The following ZNF611 variants were observed in gnomAD, a reference collection of about 807,000 sequenced individuals.
ZNF611 encodes the protein zinc finger protein 611.
ZNF611 carries 6 observed loss-of-function variants against 8.9 expected under a neutral mutation model. The ratio of observed to expected loss-of-function variants is 0.68; its 90% confidence interval spans 0.37 to 1.34. The LOEUF is 1.34. Among genes scored for constraint, ZNF611 ranks in the 40% most tolerant of loss-of-function variants. The pLI, the probability that ZNF611 is intolerant of heterozygous loss-of-function variation, is 0.02. For synonymous variants in ZNF611, 262 were observed against 279.7 expected, an observed-to-expected ratio of 0.94 and a Z score of 0.63; for missense variants, 874 against 841.3, an observed-to-expected ratio of 1.04 and a Z score of -0.48.
chr19:52,733,201 T>C (rs2062436240), intron 1 of ZNF611, among the ~76,000 whole-genome samples: 1 of 152,232 alleles, frequency 6.6e-6, no homozygotes, highest in Non-Finnish European at 1.5e-5. Context: ...CTGTGTAATT[T>C]AAACAAGTTT....
intron 1 of ZNF611, among the ~76,000 whole-genome samples, chr19:52,733,522 G>A (rs1345568196): frequency 1.4e-5 from 2 of 138,960 alleles, no homozygotes; most frequent in Non-Finnish European, 3.1e-5. Context: ...AGCTGGTCTC[G>A]AACTCCTGGA....
chr19:52,713,856 A>T (rs1443028103), intron 5 of ZNF611, among the ~76,000 whole-genome samples, 159 bp downstream of exon 5: 5 of 152,058 alleles, frequency 3.3e-5, no homozygotes, highest in Non-Finnish European at 7.4e-5. Flanking sequence ...ATACCATTGC[A>T]CTCCAGCCTC....
chr19:52,716,032 A>G, intron 3 of ZNF611, 119 bp from the exon 4 acceptor site: 1 of 1,123,614 alleles, frequency 8.9e-7, no homozygotes, highest in East Asian at 2.4e-5. Context: ...TGCCCACTGC[A>G]CCAGAGATCA....
chr19:52,719,913 C>T (rs924863525), intron 3 of ZNF611, among the ~76,000 whole-genome samples: 2 of 152,194 alleles, frequency 1.3e-5, no homozygotes, highest in Admixed American at 6.5e-5. Context: ...GAGGTCCCTG[C>T]GGCCTTCCGC....
intron 1 of ZNF611, among the ~76,000 whole-genome samples, chr19:52,731,602 C>T (rs750495003): frequency 1.3e-5 from 2 of 151,800 alleles, no homozygotes; most frequent in Non-Finnish European, 2.9e-5. Context: ...CTCCTGACCT[C>T]GTGATCCACC....
At chr19:52,712,638 A>G (rs76390631) in intron 5 of ZNF611, among the ~76,000 whole-genome samples, 15 of 77,322 alleles carry the variant, frequency 1.9e-4, no homozygotes, top group Non-Finnish European at 4.2e-4. Flanking sequence ...ACTCCGTCTG[A>G]AAAAAAAAAA....
intron 3 of ZNF611, among the ~76,000 whole-genome samples, chr19:52,720,388 C>A (rs111461095): frequency 0.027 from 3,964 of 149,004 alleles, 118 homozygotes; most frequent in African/African-American, 0.072. Flanking sequence ...AGGCGCTCCC[C>A]ACTTCCCAGA....
chr19:52,711,402 A>C (rs1391551012), intron 5 of ZNF611: 1 of 152,202 alleles, frequency 6.6e-6, no homozygotes, highest in East Asian at 1.9e-4. Flanking sequence ...ATTATTTCTC[A>C]AATAATGACA....
intron 4 of ZNF611, 127 bp from the exon 5 acceptor site, chr19:52,714,268 G>A (rs2062300092): frequency 6.7e-7 from 1 of 1,486,924 alleles, no homozygotes; most frequent in Non-Finnish European, 8.9e-7. Context: ...AGGATGTTAA[G>A]GTATTTTTGA....
chr19:52,717,074 C>T (rs1405130137), intron 3 of ZNF611, among the ~76,000 whole-genome samples: 2 of 151,854 alleles, frequency 1.3e-5, no homozygotes, highest in Admixed American at 6.6e-5. Context: ...ACCATTTGTG[C>T]CTCAGTTCTC....
chr19:52,727,000 G>T (rs1054867710), intron 3 of ZNF611, among the ~76,000 whole-genome samples: 2 of 152,008 alleles, frequency 1.3e-5, no homozygotes, highest in Non-Finnish European at 2.9e-5. Context: ...GGAGTAGCTG[G>T]TATTACAAGC....
chr19:52,705,289 C>A lies in ZNF611; in HGVS notation c.1766G>T (p.Ser589Ile), dbSNP rs752926231. 1.3e-5 allele frequency: 21 copies of A among 1,614,078 alleles called. No individual in the cohort carries two copies. The highest frequency in any genetic ancestry group is 1.8e-5 in the Non-Finnish European group (21 of 1,180,012). ...ATTACACTTGTAAGGTTTCTCACCA[C>A]TATGAACTCTATGATGGCATACAAG... is the stretch of plus-strand genomic sequence containing the variant. ...SYLVCHHRVH[S>I]GEKPYKCNEC... Residue 589 changes from serine to isoleucine, a missense_variant, in exon 6 of 6, where the codon AGT (serine) becomes ATT (isoleucine). By Grantham distance (142) the Ser-to-Ile change is moderately radical. Transcript: ENST00000652185.
chr19:52,733,037 C>T (rs1196568153), intron 1 of ZNF611, among the ~76,000 whole-genome samples: 1 of 152,142 alleles, frequency 6.6e-6, no homozygotes, highest in Non-Finnish European at 1.5e-5. Flanking sequence ...CCACGTCCTA[C>T]CCCATCCTAG....
At chr19:52,731,554 A>C (rs1216203106) in intron 1 of ZNF611, among the ~76,000 whole-genome samples, 9 of 150,552 alleles carry the variant, frequency 6.0e-5, no homozygotes, top group Non-Finnish European at 1.3e-4. Flanking sequence ...TTTTTTGTAG[A>C]GATGGGGTTT....
Position 52,703,301 on chromosome 19 carries a change from A to C in ZNF611, c.*1636T>G, listed in dbSNP as rs1288532780. On this transcript the variant is annotated 3_prime_UTR_variant, in exon 6 of 6. Coordinates refer to ENST00000652185, the MANE Select transcript of ZNF611 (RefSeq NM_001161499.2). ...TTTTTTGTTATTTTTTGTTTGTTTG[A>C]GATGGAGACTCACTCTGCCACCCAG... 2.6e-5 allele frequency: 4 copies of C among 152,162 alleles called. No individual in the cohort carries two copies. Among genetic ancestry groups the C allele is most frequent in the African/African-American group, 7.2e-5 (3 of 41,446 alleles). 9.4% of individuals were successfully genotyped at this position (152,162 alleles called of 1,614,324 possible).
Position 52,705,343 on chromosome 19 carries a change from C to T in ZNF611, c.1712G>A (p.Cys571Tyr), listed in dbSNP as rs763429241. 5 of 1,614,052 alleles carry T rather than the reference C, an allele frequency of 3.1e-6. No individual in the cohort carries two copies. Among genetic ancestry groups the T allele is most frequent in the African/African-American group, 1.3e-5 (1 of 74,906 alleles). The change falls in exon 6 of 6, where the codon TGC (cysteine) becomes TAC (tyrosine). Residue 571 changes from cysteine to tyrosine, a missense_variant. Transcript: ENST00000652185. ...SGEKPYKCNE[C>Y]SKTFSHRSYL... ...TGACCTGTGACTGAAGGTCTTGCTG[C>T]ACTCATTACACTTGTAAGGTTTCTC...
At position 52,704,983 on chromosome 19, in the gene ZNF611, G is replaced by C. The variant is rs1316991513; in HGVS notation, c.2072C>G (p.Ser691Ter). ...AATTCTATGATGACGTGAAAGGTGT[G>C]ATTGTTGATTAAAAGCCTTCCCACA... ...NECGKAFNQQ[S>*]HLSRHHRIHT... is the part of the protein sequence containing the mutation. Residue 691 changes from serine (S) to a stop codon, truncating the protein, a stop_gained, in exon 6 of 6, where the codon TCA becomes TGA. Transcript: ENST00000652185. LOFTEE classifies it low-confidence loss of function (END_TRUNC). 6.2e-7 allele frequency: 1 copy of C among 1,614,204 alleles called. No homozygotes were observed. The highest frequency in any genetic ancestry group is 1.7e-5 in the Admixed American group (1 of 60,024).
chr19:52,704,671 T>A lies in ZNF611; in HGVS notation c.*266A>T, dbSNP rs1393153349. The A allele has an allele frequency of 7.5e-6, 12 of 1,594,560 alleles. No individual in the cohort carries two copies. Among genetic ancestry groups the A allele is most frequent in the Admixed American group, 1.7e-5 (1 of 59,828 alleles). On this transcript the variant is annotated 3_prime_UTR_variant, in exon 6 of 6. Transcript: ENST00000652185. ...CGTTGTAGCATTACTGAAGACTTTGTGACAATCATTACATTAGTCAAGTTT... is the reference window on the plus strand; with the variant it reads ...CGTTGTAGCATTACTGAAGACTTTGAGACAATCATTACATTAGTCAAGTTT...
chr19:52,723,727 T>G (rs1436097330), intron 3 of ZNF611: 1 of 152,192 alleles, frequency 6.6e-6, no homozygotes, highest in Non-Finnish European at 1.5e-5. Context: ...CTGAGTTCCC[T>G]CAATATTTAT....
Sources: gnomAD v4.1 joint callset for allele counts (sites outside exome capture counted in the v4.1 genomes callset) on GRCh38, gnomAD v4.1.1 for gene constraint, MANE v1.5 for transcripts, NCBI Gene and HGNC (gene_info 2026-07-23, HGNC 2026-07-21) for gene names.